DIAPH2: variants seen among roughly 807,000 people sequenced by gnomAD.
DIAPH2 encodes the protein diaphanous related formin 2.
A neutral mutation model predicts 92.7 loss-of-function variants in DIAPH2; 35 were observed. The ratio of observed to expected loss-of-function variants is 0.38; its 90% CI spans 0.29 to 0.50. DIAPH2 has a LOEUF of 0.50. Among genes scored for constraint, DIAPH2 ranks in the 20% least tolerant of loss-of-function variants. DIAPH2 has a pLI of 0.94. For missense variants in DIAPH2, 701 were observed against 819.5 expected (o/e 0.86, Z 1.77); for synonymous variants, 301 against 280.4 (o/e 1.07, Z -0.73).
intron 22 of DIAPH2, among the ~76,000 whole-genome samples, chrX:97,221,714 G>T (rs986577377): frequency 9.0e-6 from 1 of 111,594 alleles, no homozygotes; most frequent in African/African-American, 3.3e-5. Flanking sequence ...ACAATTTTTT[G>T]TTGTTGTTGT....
intron 23 of DIAPH2, among the ~76,000 whole-genome samples, chrX:97,334,998 C>CAAAAAAAAA (rs746536131): frequency 0.035 from 1,086 of 31,387 alleles, 59 homozygotes; most frequent in Non-Finnish European, 0.05. Flanking sequence ...AAAAACAAAA[C>CAAAAAAAAA]AAAAAAAAAA....
At chrX:96,703,493 T>G (rs2063866553) in intron 1 of DIAPH2, among the ~76,000 whole-genome samples, 1 of 111,710 alleles carries the variant, frequency 9.0e-6, no homozygotes, top group African/African-American at 3.3e-5. Context: ...TGGCCCTTGC[T>G]CCCAGCCTAC....
At chrX:97,247,627 A>T in intron 22 of DIAPH2, 88 bp from the exon 23 acceptor site, 1 of 913,865 alleles carries the variant, frequency 1.1e-6, no homozygotes, top group Non-Finnish European at 1.5e-6. Flanking sequence ...CATTTAAAAA[A>T]AAAGACTTTA....
At chrX:97,254,372 A>G (rs2068217007) in intron 23 of DIAPH2, among the ~76,000 whole-genome samples, 1 of 109,443 alleles carries the variant, frequency 9.1e-6, no homozygotes, top group South Asian at 4.1e-4. Flanking sequence ...GGCGCCTGTA[A>G]TCCCAGCTAC....
In DIAPH2 at chrX:97,568,115, C is replaced by CAAAAAAAAA. The variant is rs59273565; in HGVS notation, c.3242-31122_3242-31114dup. 1.0e-3 allele frequency among the ~76,000 whole-genome samples: 31 copies of CAAAAAAAAA among 30,081 alleles called. 1 individual carries two copies. Among genetic ancestry groups the CAAAAAAAAA allele is most frequent in the Admixed American group, 2.3e-3 (4 of 1,746 alleles). The allele number at this position is 30,081 out of a possible 115,157, so 26.1% of individuals were successfully genotyped here. Reference sequence around the variant, plus strand: ...TGGGCGACAGAACGAGACTCCATCTCAAAAAAAAAAAAAAAAAAAAAAAAG... The same window carrying CAAAAAAAAA: ...TGGGCGACAGAACGAGACTCCATCTCAAAAAAAAAAAAAAAAAAAAAAAAAAAAAAAAAG... On this transcript the variant is annotated intron_variant, in intron 26 of 26. Transcript: ENST00000324765.
chrX:96,924,978 G>A (rs2065570660), intron 9 of DIAPH2, among the ~76,000 whole-genome samples: 1 of 110,802 alleles, frequency 9.0e-6, no homozygotes, highest in Admixed American at 9.6e-5. Context: ...CTTCACCTAT[G>A]TTTCATTTAA....
intron 22 of DIAPH2, among the ~76,000 whole-genome samples, chrX:97,211,260 TAAG>T (rs1569330826): frequency 3.6e-5 from 4 of 111,367 alleles, no homozygotes; most frequent in Admixed American, 9.6e-5. Context: ...TGAATATATA[TAAG>T]ATGAAGTCAG....
intron 17 of DIAPH2, among the ~76,000 whole-genome samples, chrX:97,025,932 G>A (rs1032313905): frequency 2.7e-5 from 3 of 111,677 alleles, no homozygotes; most frequent in Admixed American, 1.9e-4. Context: ...TGGACTCTAG[G>A]ATCCAGTAGA....
rs902785080 is a variant in DIAPH2 at position 96,859,695 on chromosome X, G to A, written c.448-21884G>A. 5.5e-5 allele frequency among the ~76,000 whole-genome samples: 6 copies of A among 108,749 alleles called. No homozygotes were observed. In the Admixed American group the frequency reaches 6.0e-4, roughly 11 times the overall value. 94.4% of individuals were successfully genotyped at this position (108,749 alleles called of 115,157 possible). On this transcript the variant is annotated intron_variant, in intron 4 of 26. Transcript: ENST00000324765. ...CTCACTGTGTTGCCCAGGCTGGAGT[G>A]CAGTGGTGCAGTCTTGGCTCACTGC...
intron 5 of DIAPH2, among the ~76,000 whole-genome samples, chrX:96,904,659 A>C (rs765227063): frequency 6.1e-4 from 68 of 111,725 alleles, no homozygotes; most frequent in African/African-American, 2.1e-3. Flanking sequence ...TGATCCATGG[A>C]CTGAATATGT....
chrX:97,056,290 C>T (rs2066556404), intron 17 of DIAPH2, among the ~76,000 whole-genome samples: 1 of 111,215 alleles, frequency 9.0e-6, no homozygotes, highest in African/African-American at 3.3e-5. Flanking sequence ...TAACTCATTC[C>T]TAAAGGTATT....
intron 18 of DIAPH2, 50 bp from the exon 19 acceptor site, chrX:97,075,115 CTT>C (rs2066696523): frequency 1.2e-6 from 1 of 823,676 alleles, no homozygotes; most frequent in Non-Finnish European, 1.7e-6. Context: ...TTTATTAGGA[CTT>C]TAACATGTTG....
chrX:97,133,576 T>G (rs901022410), intron 21 of DIAPH2, among the ~76,000 whole-genome samples: 9 of 112,294 alleles, frequency 8.0e-5, no homozygotes, highest in Non-Finnish European at 1.7e-4. Context: ...CGTGAGCCAC[T>G]ACGTCCGGCC....
chrX:96,710,642 C>T (rs1178466421), intron 1 of DIAPH2, among the ~76,000 whole-genome samples: 8 of 111,044 alleles, frequency 7.2e-5, no homozygotes, highest in African/African-American at 2.6e-4. Flanking sequence ...ATGTAATACT[C>T]CTCCATAATA....
intron 4 of DIAPH2, among the ~76,000 whole-genome samples, chrX:96,765,639 A>G (rs755516689): frequency 9.0e-6 from 1 of 111,625 alleles, no homozygotes; most frequent in South Asian, 3.8e-4. Flanking sequence ...GAGTTTCAAA[A>G]CTATCCACAG....
rs142702753 is a variant in DIAPH2, at chrX:97,418,591, C to A, written c.3146-11059C>A. Among the ~76,000 whole-genome samples the A allele has an allele frequency of 8.9e-5, 10 of 111,825 alleles. No homozygotes were observed. The East Asian group carries it at 2.5e-3, about 28-fold the overall frequency. ...AATGATTCCTTTCCCTCTCACCTTC[C>A]TGATTAGGCTTGTGTTTGTGTGTCT... On this transcript the variant is annotated intron_variant, in intron 25 of 26. Transcript: ENST00000324765.
intron 1 of DIAPH2, among the ~76,000 whole-genome samples, 190 bp downstream of exon 1, chrX:96,685,380 C>T (rs1277109332): frequency 1.8e-5 from 2 of 112,067 alleles, no homozygotes; most frequent in Non-Finnish European, 3.8e-5. Context: ...AGAGCACCCC[C>T]TTCTCTACTT....
chrX:97,106,440 A>G (rs1007107017), intron 20 of DIAPH2, among the ~76,000 whole-genome samples: 1 of 111,873 alleles, frequency 8.9e-6, no homozygotes, highest in African/African-American at 3.2e-5. Flanking sequence ...TTTTTGTGAC[A>G]GAATTTCTTA....
intron 17 of DIAPH2, among the ~76,000 whole-genome samples, chrX:96,977,286 T>A (rs1176463719): frequency 8.9e-6 from 1 of 112,067 alleles, no homozygotes; most frequent in Non-Finnish European, 1.9e-5. Flanking sequence ...CTTTCTATAA[T>A]TTAGATTTTT....
Sources: allele counts gnomAD v4.1 joint callset (sites outside exome capture counted in the v4.1 genomes callset), GRCh38; gene constraint gnomAD v4.1.1; transcripts MANE v1.5; gene names NCBI Gene and HGNC (gene_info 2026-07-23, HGNC 2026-07-21).